The following SCAPER variants were observed in gnomAD, a reference collection of about 807,000 sequenced individuals.
SCAPER encodes S phase cyclin A-associated protein in the endoplasmic reticulum.
A neutral mutation model predicts 182.2 loss-of-function variants in SCAPER; 98 were observed. The observed-to-expected ratio is 0.54, with a 90% CI of 0.46 to 0.64. The LOEUF is 0.64. SCAPER is among the 30% of genes least tolerant of loss of function. The pLI is 0.00. For missense variants in SCAPER, 1,432 were observed against 1,690.0 expected, an observed-to-expected ratio of 0.85 and a Z score of 2.68; for synonymous variants, 605 against 564.6, an observed-to-expected ratio of 1.07 and a Z score of -1.01.
intron 27 of SCAPER, among the ~76,000 whole-genome samples, chr15:76,387,665 G>A (rs1373082633): frequency 6.6e-6 from 1 of 152,178 alleles, no homozygotes; most frequent in Non-Finnish European, 1.5e-5. Context: ...AGGGTAAGAA[G>A]GAAACCAGGA....
At chr15:76,459,230 T>C (rs1035431947) in intron 25 of SCAPER, among the ~76,000 whole-genome samples, 1 of 152,164 alleles carries the variant, frequency 6.6e-6, no homozygotes, top group African/African-American at 2.4e-5. Context: ...GGTCAGAACA[T>C]GTGGTATTTG....
rs1486282859 is a variant in SCAPER, at chr15:76,733,387, T to TTAAAA, written c.1867-8_1867-4dup. 3 of 1,609,790 alleles carry TTAAAA rather than the reference T, an allele frequency of 1.9e-6. No individual in the cohort carries two copies. The highest frequency in any genetic ancestry group is 1.3e-5 in the African/African-American group (1 of 74,604). ...TTTATAAAGGCAATTTCATTTACCT[T>TTAAAA]TAAAAAAACAAAGAAGGTAAGGTTC... is the stretch of plus-strand genomic sequence containing the variant. On this transcript the variant is annotated splice_polypyrimidine_tract_variant and splice_region_variant and intron_variant, in intron 15 of 31. Transcript: ENST00000563290.
chr15:76,726,791 T>C (rs1377853172), intron 17 of SCAPER, among the ~76,000 whole-genome samples: 5 of 151,994 alleles, frequency 3.3e-5, no homozygotes, highest in Admixed American at 1.3e-4. Flanking sequence ...GTCACATTCA[T>C]AGAAACAGAA....
At chr15:76,836,357 A>G (rs1259409251) in intron 5 of SCAPER, among the ~76,000 whole-genome samples, 1 of 152,152 alleles carries the variant, frequency 6.6e-6, no homozygotes, top group East Asian at 1.9e-4. Flanking sequence ...AGCATGGTAC[A>G]AAAATCAGAT....
chr15:76,538,326 A>G (rs1227624323), intron 23 of SCAPER, among the ~76,000 whole-genome samples: 2 of 149,498 alleles, frequency 1.3e-5, no homozygotes, highest in Non-Finnish European at 3.0e-5. Context: ...CAAATGTCCA[A>G]CAATGATAGA....
chr15:76,397,147 G>A (rs1036704572), intron 27 of SCAPER, among the ~76,000 whole-genome samples: 1 of 151,608 alleles, frequency 6.6e-6, no homozygotes, highest in Non-Finnish European at 1.5e-5. Flanking sequence ...ATTTGCATAT[G>A]ATGAACCATC....
At chr15:76,895,787 T>C (rs2074398484) in intron 1 of SCAPER, among the ~76,000 whole-genome samples, 1 of 152,098 alleles carries the variant, frequency 6.6e-6, no homozygotes, top group Non-Finnish European at 1.5e-5. Context: ...ACGCCTATAA[T>C]CTCAGCACTT....
chr15:76,374,130 C>T (rs1164387948), intron 29 of SCAPER, among the ~76,000 whole-genome samples: 3 of 152,088 alleles, frequency 2.0e-5, no homozygotes, highest in Non-Finnish European at 4.4e-5. Context: ...TGGCTCACAC[C>T]TGTAATCCCA....
intron 3 of SCAPER, among the ~76,000 whole-genome samples, chr15:76,859,904 C>T (rs1009515762): frequency 3.3e-5 from 5 of 152,018 alleles, no homozygotes; most frequent in Admixed American, 6.6e-5. Context: ...TTAGTAGAGA[C>T]GAGGTTTCAC....
intron 30 of SCAPER, among the ~76,000 whole-genome samples, chr15:76,351,687 G>T (rs2040559372): frequency 6.6e-6 from 1 of 152,130 alleles, no homozygotes; most frequent in Non-Finnish European, 1.5e-5. Context: ...AATGAAAAAT[G>T]TAATATAAAA....
At chr15:76,532,562 TTCACTCATCAATTTTTCTA>T (rs2043770659) in intron 23 of SCAPER, among the ~76,000 whole-genome samples, 1 of 152,302 alleles carries the variant, frequency 6.6e-6, no homozygotes, top group South Asian at 2.1e-4. Context: ...ATGCTGACTT[TTCACTCATCAATTTTTCTA>T]TCACTCATTA....
chr15:76,425,514 C>T (rs547487962), intron 26 of SCAPER, among the ~76,000 whole-genome samples: 13 of 152,266 alleles, frequency 8.5e-5, no homozygotes, highest in South Asian at 2.1e-4. Context: ...GTTAGCCATT[C>T]GTCTAATCTT....
chr15:76,813,319 C>T (rs2066819000), intron 5 of SCAPER, among the ~76,000 whole-genome samples: 1 of 136,634 alleles, frequency 7.3e-6, no homozygotes, highest in South Asian at 2.4e-4. Flanking sequence ...GTATGAAAAA[C>T]GAACAGCTAA....
At chr15:76,860,749 A>G (rs2071801742) in intron 3 of SCAPER, among the ~76,000 whole-genome samples, 1 of 152,184 alleles carries the variant, frequency 6.6e-6, no homozygotes. Flanking sequence ...TAAAAAAGAT[A>G]AAGATTTAAA....
At chr15:76,788,158 T>C (rs923843728) in intron 8 of SCAPER, among the ~76,000 whole-genome samples, 1 of 152,184 alleles carries the variant, frequency 6.6e-6, no homozygotes, top group Non-Finnish European at 1.5e-5. Flanking sequence ...CAAAATTCTC[T>C]GGTAACACCA....
intron 1 of SCAPER, among the ~76,000 whole-genome samples, chr15:76,886,000 T>C (rs570367033): frequency 6.5e-4 from 99 of 152,328 alleles, no homozygotes; most frequent in African/African-American, 2.3e-3. Context: ...TTGATTTCCA[T>C]TGGGTAGATA....
At chr15:76,451,305 T>C (rs567368347) in intron 25 of SCAPER, among the ~76,000 whole-genome samples, 16 of 152,336 alleles carry the variant, frequency 1.1e-4, no homozygotes, top group Admixed American at 2.0e-4. Context: ...TACTTATAAA[T>C]AAGGATGCTA....
chr15:76,558,712 C>T (rs2046371185), intron 23 of SCAPER, among the ~76,000 whole-genome samples: 1 of 152,106 alleles, frequency 6.6e-6, no homozygotes. Flanking sequence ...CATAAAGACA[C>T]ACGCACATGT....
At chr15:76,691,207 A>G (rs773184129) in intron 20 of SCAPER, among the ~76,000 whole-genome samples, 16 of 152,232 alleles carry the variant, frequency 1.1e-4, no homozygotes, top group Non-Finnish European at 1.9e-4. Context: ...ACAGAAATGT[A>G]CAGATTTACT....
Sources: gnomAD v4.1 joint callset for allele counts (sites outside exome capture counted in the v4.1 genomes callset) on GRCh38, gnomAD v4.1.1 for gene constraint, MANE v1.5 for transcripts, NCBI Gene and HGNC (gene_info 2026-07-23, HGNC 2026-07-21) for gene names.